The following MSANTD3 variants were observed in gnomAD, a reference collection of about 807,000 sequenced individuals.
MSANTD3 encodes the protein myb/SANT-like DNA-binding domain-containing protein 3.
In MSANTD3, 11 loss-of-function variants were observed where a neutral mutation model predicts 27.7. That is an observed-to-expected ratio of 0.40 (90% CI 0.25 to 0.66). The LOEUF (loss-of-function observed/expected upper bound fraction) is 0.66. MSANTD3 is among the 30% of genes least tolerant of loss of function. The pLI is 0.41. For synonymous variants in MSANTD3, 131 were observed against 127.2 expected, an observed-to-expected ratio of 1.03 and a Z score of -0.20; for missense variants, 250 against 336.5, an observed-to-expected ratio of 0.74 and a Z score of 2.01.
chr9:100,445,786 G>A (rs961833365), intron 2 of MSANTD3, among the ~76,000 whole-genome samples: 1 of 152,276 alleles, frequency 6.6e-6, no homozygotes, highest in African/African-American at 2.4e-5. Context: ...AGTTTCAACT[G>A]TGTCATCTTG....
Position 100,442,019 on chromosome 9 carries a change from G to A in MSANTD3, c.81G>A (p.Lys27=). The change falls in exon 2 of 3, where the codon AAG becomes AAA. Residue 27 remains lysine, a synonymous_variant. Transcript: ENST00000395067. ...GCATCCTGCTGGCTTTAGTAGAAAA[G>A]TATAAATATGTGCTGGAATGTAAGA... is the stretch of plus-strand genomic sequence containing the variant. ...EKSILLALVE[K]YKYVLECKKS... is the part of the protein sequence containing the mutation. 6.2e-7 allele frequency: 1 copy of A among 1,614,204 alleles called. No homozygotes were observed.
intron 2 of MSANTD3, among the ~76,000 whole-genome samples, chr9:100,449,614 G>A (rs1237676783): frequency 1.3e-5 from 2 of 152,164 alleles, no homozygotes; most frequent in African/African-American, 4.8e-5. Context: ...AAAAAAGCAT[G>A]ACCTTATAAA....
Position 100,450,694 on chromosome 9 carries a change from A to G in MSANTD3, c.556A>G (p.Lys186Glu), listed in dbSNP as rs755748241. 1.2e-6 allele frequency: 2 copies of G among 1,614,204 alleles called. No individual in the cohort carries two copies. Among genetic ancestry groups the G allele is most frequent in the East Asian group, 2.2e-5 (1 of 44,888 alleles). The change falls in exon 3 of 3, where the codon AAA becomes GAA. Residue 186 changes from lysine to glutamate, a missense_variant. Transcript: ENST00000395067. ...RITANKNYRSKTSQEGALKKM... is the reference protein window; with the variant it reads ...RITANKNYRSETSQEGALKKM... ...AACAGCCAATAAAAACTACAGGAGC[A>G]AAACCTCTCAGGAAGGTGCTTTAAA... is the stretch of plus-strand genomic sequence containing the variant.
chr9:100,432,966 G>A (rs1836406640), intron 1 of MSANTD3, among the ~76,000 whole-genome samples: 1 of 152,196 alleles, frequency 6.6e-6, no homozygotes, highest in Admixed American at 6.5e-5. Context: ...TAGAGACGAG[G>A]AATTGACAGC....
In MSANTD3 at chr9:100,438,427, A is replaced by AGTGTGT. The variant is rs139680729; in HGVS notation, c.-33-3466_-33-3461dup. 1.5e-3 allele frequency among the ~76,000 whole-genome samples: 229 copies of AGTGTGT among 151,222 alleles called. 1 individual carries two copies. Among genetic ancestry groups the AGTGTGT allele is most frequent in the African/African-American group, 3.6e-3 (149 of 41,356 alleles). On this transcript the variant is annotated intron_variant, in intron 1 of 2. Coordinates refer to ENST00000395067, the MANE Select transcript of MSANTD3 (RefSeq NM_080655.3). ...ATAGAAAAAAGAGATTTATTTAGAA[A>AGTGTGT]GTGTGTGTGTGTGTGTGTACACACA... is the stretch of plus-strand genomic sequence containing the variant.
intron 1 of MSANTD3, among the ~76,000 whole-genome samples, chr9:100,440,111 C>T (rs1836572509): frequency 6.6e-6 from 1 of 152,208 alleles, no homozygotes; most frequent in African/African-American, 2.4e-5. Context: ...AGGTTTCATA[C>T]ACTTCACTGG....
intron 2 of MSANTD3, among the ~76,000 whole-genome samples, chr9:100,443,486 A>G (rs1587791631): frequency 6.6e-6 from 1 of 152,194 alleles, no homozygotes; most frequent in Admixed American, 6.5e-5. Flanking sequence ...CACCCAGATT[A>G]AAAACCAGCA....
At chr9:100,449,698 G>A (rs554609411) in intron 2 of MSANTD3, among the ~76,000 whole-genome samples, 320 of 152,212 alleles carry the variant, frequency 2.1e-3, no homozygotes, top group Non-Finnish European at 3.8e-3. Flanking sequence ...AAGAAAGGAA[G>A]GTCAGAATCA....
At chr9:100,444,276 C>T (rs1390033757) in intron 2 of MSANTD3, 7 of 152,142 alleles carry the variant, frequency 4.6e-5, no homozygotes, top group Non-Finnish European at 8.8e-5. Context: ...CCTCATACAT[C>T]GATTTCCAGT....
intron 1 of MSANTD3, among the ~76,000 whole-genome samples, chr9:100,434,109 C>T (rs1433235504): frequency 6.7e-6 from 1 of 150,166 alleles, no homozygotes; most frequent in East Asian, 1.9e-4. Flanking sequence ...GAATACCATT[C>T]TCTCTGATGC....
Position 100,433,135 on chromosome 9 carries a change from G to A in MSANTD3, c.-34+5742G>A, listed in dbSNP as rs565823011. Among the ~76,000 whole-genome samples, 98 of 152,324 alleles carry A rather than the reference G, an allele frequency of 6.4e-4. 4 individuals are homozygous for A. The South Asian group carries it at 0.018, about 28-fold the overall frequency. On this transcript the variant is annotated intron_variant, in intron 1 of 2. Coordinates refer to ENST00000395067, the MANE Select transcript of MSANTD3 (RefSeq NM_080655.3). ...GGGTTCTGAAGTGGGAGAGGGGTTG[G>A]AAAGCAAATGATGAAGCCTTGATTT...
chr9:100,446,108 A>G (rs1345994251), intron 2 of MSANTD3, among the ~76,000 whole-genome samples: 2 of 152,210 alleles, frequency 1.3e-5, no homozygotes, highest in Non-Finnish European at 2.9e-5. Flanking sequence ...GGTCAAATAC[A>G]TTTAAGAAAA....
chr9:100,431,261 C>G (rs1320653274), intron 1 of MSANTD3, among the ~76,000 whole-genome samples: 2 of 151,060 alleles, frequency 1.3e-5, no homozygotes, highest in Non-Finnish European at 2.9e-5. Context: ...CTCGGCCTCC[C>G]AAAGTGCTGG....
chr9:100,434,286 G>A (rs139592918), intron 1 of MSANTD3, among the ~76,000 whole-genome samples: 46 of 152,254 alleles, frequency 3.0e-4, no homozygotes, highest in African/African-American at 1.1e-3. Flanking sequence ...TCCCAACACT[G>A]GGAGGCTGAG....
At chr9:100,441,445 C>G (rs1455457144) in intron 1 of MSANTD3, among the ~76,000 whole-genome samples, 2 of 151,444 alleles carry the variant, frequency 1.3e-5, no homozygotes, top group Non-Finnish European at 2.9e-5. Context: ...ACCAGCCTGC[C>G]CAACATGGTG....
At chr9:100,430,095 C>CAAA (rs34052606) in intron 1 of MSANTD3, among the ~76,000 whole-genome samples, 1 of 110,986 alleles carries the variant, frequency 9.0e-6, no homozygotes, top group African/African-American at 3.4e-5. Flanking sequence ...CTCTCTCTCT[C>CAAA]AAAAAAAAAA....
intron 1 of MSANTD3, among the ~76,000 whole-genome samples, chr9:100,436,978 T>A (rs535538408): frequency 1.3e-5 from 2 of 152,286 alleles, no homozygotes; most frequent in East Asian, 1.9e-4. Flanking sequence ...CTAATTTTTT[T>A]ATTTTTAGTA....
At chr9:100,444,914 G>A (rs1381259394) in intron 2 of MSANTD3, 1 of 357,336 alleles carries the variant, frequency 2.8e-6, no homozygotes, top group Admixed American at 4.4e-5. Flanking sequence ...AGTATAAACG[G>A]ATTTATTTTA....
chr9:100,446,997 C>T (rs1440526531), intron 2 of MSANTD3, among the ~76,000 whole-genome samples: 1 of 152,112 alleles, frequency 6.6e-6, no homozygotes, highest in Admixed American at 6.5e-5. Context: ...CCTTCCCATC[C>T]TTTTGCTGTC....
Sources: gnomAD v4.1 joint callset for allele counts (sites outside exome capture counted in the v4.1 genomes callset) on GRCh38, gnomAD v4.1.1 for gene constraint, MANE v1.5 for transcripts, NCBI Gene and HGNC (gene_info 2026-07-23, HGNC 2026-07-21) for gene names.